Variants in COQ8A observed in about 807,000 individuals in gnomAD.
COQ8A encodes atypical kinase COQ8A, mitochondrial.
COQ8A carries 51 observed loss-of-function variants against 65.0 expected under a neutral mutation model. That is an observed-to-expected ratio of 0.78 (90% CI 0.63 to 0.99). COQ8A has a LOEUF of 0.99. Ranked by LOEUF, COQ8A falls within the 50% of genes least tolerant of loss-of-function variation. COQ8A has a pLI of 0.00. For missense variants in COQ8A, 940 were observed against 875.0 expected, an observed-to-expected ratio of 1.07 and a Z score of -0.94; for synonymous variants, 371 against 353.2, an observed-to-expected ratio of 1.05 and a Z score of -0.57.
chr1:226,951,502 T>C (rs1365911814), intron 1 of COQ8A, among the ~76,000 whole-genome samples: 1 of 152,124 alleles, frequency 6.6e-6, no homozygotes, highest in Non-Finnish European at 1.5e-5. Context: ...TTCTCTGGCT[T>C]CACCTGGGGG....
In COQ8A at chr1:226,944,964, A is replaced by G. The variant is rs576910051; in HGVS notation, c.-10+4565A>G. On this transcript the variant is annotated intron_variant, in intron 1 of 14. Transcript: ENST00000366777. Reference sequence around the variant, plus strand: ...GTAGCGCCCCTCTCTGCCTTTCTGAAGACAGCAGGGTTGGTCTGCCTCTTA... The same window carrying G: ...GTAGCGCCCCTCTCTGCCTTTCTGAGGACAGCAGGGTTGGTCTGCCTCTTA... Among the ~76,000 whole-genome samples, 5 of 152,230 alleles carry G rather than the reference A, an allele frequency of 3.3e-5. No individual in the cohort carries two copies. The South Asian group carries it at 8.3e-4, about 25-fold the overall frequency.
chr1:226,985,142 T>C lies in COQ8A; in HGVS notation c.1573-112T>C, dbSNP rs146773960. Reference sequence around the variant, plus strand: ...GTCACAGCACTGGCCGGGGGCCCTGTGCAGGGAGAGGATGAGGGTGGGGTG... The same window carrying C: ...GTCACAGCACTGGCCGGGGGCCCTGCGCAGGGAGAGGATGAGGGTGGGGTG... On this transcript the variant is annotated intron_variant, in intron 13 of 14. Transcript: ENST00000366777. 1,885 of 1,314,744 alleles carry C rather than the reference T, an allele frequency of 1.4e-3. 1 individual carries two copies. Among genetic ancestry groups the C allele is most frequent in the Admixed American group, 2.3e-3 (135 of 59,470 alleles). The allele number at this position is 1,314,744 out of a possible 1,614,324, so 81.4% of individuals were successfully genotyped here.
chr1:226,960,411 G>GTGGTGGTA (rs1558187445), intron 1 of COQ8A, among the ~76,000 whole-genome samples: 6 of 138,730 alleles, frequency 4.3e-5, no homozygotes, highest in African/African-American at 1.0e-4. Flanking sequence ...CTTGGTGGTG[G>GTGGTGGTA]CGGTGGTACT....
chr1:226,940,843 G>A (rs1427424991), intron 1 of COQ8A, among the ~76,000 whole-genome samples: 1 of 152,210 alleles, frequency 6.6e-6, no homozygotes. Flanking sequence ...GCTCGTTGCC[G>A]CTGGCTGCAG....
At chr1:226,954,433 C>T (rs1466616013) in intron 1 of COQ8A, among the ~76,000 whole-genome samples, 1 of 152,228 alleles carries the variant, frequency 6.6e-6, no homozygotes, top group African/African-American at 2.4e-5. Context: ...TTCCTGGGAC[C>T]TGCAGTGTCA....
chr1:226,986,223 C>T (rs890032316), intron 14 of COQ8A, among the ~76,000 whole-genome samples: 1 of 152,160 alleles, frequency 6.6e-6, no homozygotes, highest in Non-Finnish European at 1.5e-5. Context: ...GCATCCTCTG[C>T]ACTCTGCCAC....
chr1:226,984,375 C>T, intron 11 of COQ8A, 140 bp downstream of exon 11: 2 of 1,380,498 alleles, frequency 1.4e-6, no homozygotes, highest in Non-Finnish European at 1.0e-6. Flanking sequence ...ACCAGTGGGA[C>T]TTAGGGGGAC....
At chr1:226,970,896 A>G in intron 4 of COQ8A, among the ~76,000 whole-genome samples, 1 of 151,948 alleles carries the variant, frequency 6.6e-6, no homozygotes, top group South Asian at 2.1e-4. Context: ...TCTCTCTTAC[A>G]GTGTAGTCTG....
chr1:226,956,043 C>T (rs1249117184), intron 1 of COQ8A, among the ~76,000 whole-genome samples: 15 of 120,110 alleles, frequency 1.2e-4, no homozygotes, highest in South Asian at 6.1e-4. Flanking sequence ...CTCTCCCTGG[C>T]TCTCACTCTC....
At chr1:226,968,918 A>G (rs947999821) in intron 4 of COQ8A, among the ~76,000 whole-genome samples, 1 of 152,172 alleles carries the variant, frequency 6.6e-6, no homozygotes, top group Admixed American at 6.5e-5. Flanking sequence ...CATATATTGG[A>G]TATGGGGTCA....
Position 226,984,157 on chromosome 1 carries a change from A to C in COQ8A, c.1320A>C (p.Pro440=). 5.0e-6 allele frequency: 8 copies of C among 1,613,816 alleles called. No homozygotes were observed. Among genetic ancestry groups the C allele is most frequent in the Non-Finnish European group, 6.8e-6 (8 of 1,179,988 alleles). The change falls in exon 11 of 15, where the codon CCA becomes CCC. Residue 440 remains proline, a synonymous_variant. Transcript: ENST00000366777. Reference sequence around the variant, plus strand: ...AGATTGTGGATGAGCTCTGCAGCCCACATGTGCTGACCACAGAGCTGGTGT... The same window carrying C: ...AGATTGTGGATGAGCTCTGCAGCCCCCATGTGCTGACCACAGAGCTGGTGT... ...VPEIVDELCS[P]HVLTTELVSG...
chr1:226,973,989 C>T (rs1001303147), intron 4 of COQ8A, among the ~76,000 whole-genome samples: 1 of 152,228 alleles, frequency 6.6e-6, no homozygotes, highest in African/African-American at 2.4e-5. Context: ...ACTTACTCAC[C>T]CCTGCCCTTA....
At chr1:226,973,101 G>A (rs1370165334) in intron 4 of COQ8A, among the ~76,000 whole-genome samples, 1 of 152,202 alleles carries the variant, frequency 6.6e-6, no homozygotes, top group Non-Finnish European at 1.5e-5. Flanking sequence ...TTGTTGACAG[G>A]GCTGCATACA....
chr1:226,982,680 G>T lies in COQ8A; in HGVS notation c.856G>T (p.Asp286Tyr). The T allele has an allele frequency of 6.2e-7, 1 of 1,613,278 alleles. No homozygotes were observed. Among genetic ancestry groups the T allele is most frequent in the East Asian group, 2.2e-5 (1 of 44,850 alleles). ...KLGQMLSIQD[D>Y]AFINPHLAKI... ...TGTGTCATTCTCCTGCCTTCCAGAT[G>T]ATGCCTTTATCAACCCCCACCTGGC... Residue 286 changes from aspartate to tyrosine, a missense_variant and splice_region_variant, in exon 7 of 15, where the codon GAT becomes TAT. Transcript: ENST00000366777.
intron 1 of COQ8A, among the ~76,000 whole-genome samples, chr1:226,956,236 A>C (rs1256287121): frequency 3.3e-5 from 2 of 60,498 alleles, no homozygotes; most frequent in Non-Finnish European, 5.9e-5. Flanking sequence ...TCCCTGGTTC[A>C]CACTCTCCCT....
Position 226,949,725 on chromosome 1 carries a change from A to G in COQ8A, c.-10+9326A>G, listed in dbSNP as rs954840424. Among the ~76,000 whole-genome samples, 1 of 152,232 alleles carries G rather than the reference A, an allele frequency of 6.6e-6. No individual in the cohort carries two copies. The highest frequency in any genetic ancestry group is 6.5e-5 in the Admixed American group (1 of 15,290). On this transcript the variant is annotated intron_variant, in intron 1 of 14. Transcript: ENST00000366777. The surrounding 1 kb of genome is among the most constrained non-coding windows in gnomAD (Gnocchi z 4.0). The stretch of plus-strand genomic sequence containing the variant: ...GTTGGTCTCACCAAGTCTGAACTTC[A>G]TTCCAGAATGTCTGTGTGCTTGCAA...
chr1:226,986,570 G>A lies in COQ8A; in HGVS notation c.1777G>A (p.Val593Ile), dbSNP rs774142518. Residue 593 changes from valine (V) to isoleucine (I), a missense_variant, in exon 15 of 15, where the codon GTC becomes ATC. Val to Ile is a conservative substitution (Grantham distance 29). Coordinates refer to ENST00000366777, the MANE Select transcript of COQ8A (RefSeq NM_020247.5). Reference sequence around the variant, plus strand: ...CGAGAAGATCCACAACCTGATTCCCGTCATGCTGAGGCACCGTCTCGTCCC... The same window carrying A: ...CGAGAAGATCCACAACCTGATTCCCATCATGCTGAGGCACCGTCTCGTCCC... ...TTEKIHNLIP[V>I]MLRHRLVPPP... is the part of the protein sequence containing the mutation. 74 of 1,613,590 alleles carry A rather than the reference G, an allele frequency of 4.6e-5. No homozygotes were observed. Among genetic ancestry groups the A allele is most frequent in the Admixed American group, 1.8e-4 (11 of 59,948 alleles).
At chr1:226,947,794 CAA>C (rs1025747690) in intron 1 of COQ8A, among the ~76,000 whole-genome samples, 2 of 104,308 alleles carry the variant, frequency 1.9e-5, no homozygotes, top group South Asian at 3.2e-4. Context: ...GACCCTGTCT[CAA>C]AAAAATATAT....
Position 226,982,955 on chromosome 1 carries a change from G to T in COQ8A, c.1001G>T (p.Arg334Leu), listed in dbSNP as rs759857986. The T allele has an allele frequency of 3.7e-6, 6 of 1,607,796 alleles. No homozygotes were observed. Among genetic ancestry groups the T allele is most frequent in the South Asian group, 1.1e-5 (1 of 90,538 alleles). The change falls in exon 8 of 15, where the codon CGG becomes CTG. Residue 334 changes from arginine (R) to leucine (L), a missense_variant. Physicochemically the swap from Arg to Leu is moderately radical, Grantham distance 102. Transcript: ENST00000366777. Reference protein sequence around the residue: ...WRDKLEYFEERPFAAASIGQV... With the variant: ...WRDKLEYFEELPFAAASIGQV... ...GACAAGTTGGAATACTTCGAGGAGC[G>T]GCCCTTCGCCGCCGCATCCATTGGG...
Sources: gnomAD v4.1 joint callset for allele counts (sites outside exome capture counted in the v4.1 genomes callset) on GRCh38, gnomAD v4.1.1 for gene constraint, Gnocchi (gnomAD v3.1) non-coding constraint, MANE v1.5 for transcripts, NCBI Gene and HGNC (gene_info 2026-07-23, HGNC 2026-07-21) for gene names.